The following PRDM5 variants were observed in gnomAD, a reference collection of about 807,000 sequenced individuals.
The protein encoded by PRDM5 is PR domain zinc finger protein 5.
PRDM5 carries 56 observed loss-of-function variants against 81.2 expected under a neutral mutation model. The ratio of observed to expected loss-of-function variants is 0.69; its 90% CI spans 0.56 to 0.86. The LOEUF is 0.86. Among genes scored for constraint, PRDM5 ranks in the 40% least tolerant of loss-of-function variants. PRDM5 has a pLI of 0.00. For synonymous variants in PRDM5, 267 were observed against 256.4 expected (o/e 1.04, Z -0.39); for missense variants, 697 against 770.1 (o/e 0.91, Z 1.12).
chr4:120,734,255 G>T (rs867304655), intron 14 of PRDM5, among the ~76,000 whole-genome samples: 2 of 144,222 alleles, frequency 1.4e-5, no homozygotes, highest in Non-Finnish European at 1.5e-5. Flanking sequence ...TTGTTTGTTT[G>T]TTTTTTTTTT....
In PRDM5 at chr4:120,796,587, G is replaced by A. The variant is rs145837967; in HGVS notation, c.1188+1680C>T. Among the ~76,000 whole-genome samples, 180 of 152,298 alleles carry A rather than the reference G, an allele frequency of 1.2e-3. 1 individual carries two copies. The highest frequency in any genetic ancestry group is 4.1e-3 in the African/African-American group (169 of 41,570). On this transcript the variant is annotated intron_variant, in intron 10 of 15. Coordinates refer to ENST00000264808, the MANE Select transcript of PRDM5 (RefSeq NM_018699.4). The stretch of plus-strand genomic sequence containing the variant: ...TAGCCAGATAATTTTTTACAGTCAC[G>A]TAATTCCAAAGCAGCAGTAATGAAC...
chr4:120,757,096 C>A (rs1336491941), intron 13 of PRDM5, among the ~76,000 whole-genome samples: 1 of 151,922 alleles, frequency 6.6e-6, no homozygotes, highest in Admixed American at 6.5e-5. Flanking sequence ...TTCATAACAG[C>A]CAAAATCCAT....
chr4:120,737,474 T>A (rs1422684058), intron 14 of PRDM5, among the ~76,000 whole-genome samples: 8 of 152,208 alleles, frequency 5.3e-5, no homozygotes, highest in Admixed American at 1.3e-4. Context: ...ACCAGTTATA[T>A]ACTTGGGACC....
chr4:120,801,726 C>T (rs1244259524), intron 8 of PRDM5, among the ~76,000 whole-genome samples: 1 of 152,178 alleles, frequency 6.6e-6, no homozygotes. Flanking sequence ...AACTTCCAGC[C>T]TGAGGCATGT....
At chr4:120,810,712 T>G (rs1296078601) in intron 8 of PRDM5, 4 of 152,200 alleles carry the variant, frequency 2.6e-5, no homozygotes, top group Non-Finnish European at 5.9e-5. Flanking sequence ...GGCCTAATGT[T>G]ACATGGAAGG....
chr4:120,773,211 AAT>A (rs1415626870), intron 13 of PRDM5, among the ~76,000 whole-genome samples: 1 of 152,194 alleles, frequency 6.6e-6, no homozygotes, highest in Non-Finnish European at 1.5e-5. Flanking sequence ...CTGACAGACA[AAT>A]TATGGTTATT....
intron 10 of PRDM5, among the ~76,000 whole-genome samples, chr4:120,789,163 T>C (rs1578739523): frequency 6.6e-6 from 1 of 152,258 alleles, no homozygotes; most frequent in Non-Finnish European, 1.5e-5. Context: ...AACTAGTCCA[T>C]GAACAAGTAC....
intron 2 of PRDM5, among the ~76,000 whole-genome samples, chr4:120,855,825 G>A (rs1450470): frequency 4.6e-5 from 7 of 152,204 alleles, no homozygotes; most frequent in African/African-American, 1.7e-4. Context: ...ACTTTGTGTA[G>A]TGAAACACAA....
At chr4:120,831,245 T>G (rs1270364991) in intron 3 of PRDM5, among the ~76,000 whole-genome samples, 1 of 152,036 alleles carries the variant, frequency 6.6e-6, no homozygotes, top group South Asian at 2.1e-4. Flanking sequence ...AGAAGCTCTT[T>G]TAACTGACCT....
intron 3 of PRDM5, among the ~76,000 whole-genome samples, chr4:120,845,408 C>T (rs1758543045): frequency 6.6e-6 from 1 of 152,196 alleles, no homozygotes; most frequent in Admixed American, 6.5e-5. Flanking sequence ...TGCTCATTTA[C>T]CATTCAGAAA....
intron 14 of PRDM5, among the ~76,000 whole-genome samples, chr4:120,731,949 G>A (rs757232214): frequency 2.0e-5 from 3 of 152,166 alleles, no homozygotes; most frequent in Non-Finnish European, 4.4e-5. Context: ...ACACCAAGCT[G>A]GTTGAAAATA....
At chr4:120,774,948 G>A (rs1365529806) in intron 13 of PRDM5, among the ~76,000 whole-genome samples, 1 of 108,104 alleles carries the variant, frequency 9.3e-6, no homozygotes, top group African/African-American at 2.9e-5. Context: ...ATATATGTGT[G>A]TGTATATGTA....
chr4:120,918,635 A>ATTTTTTTTTTTT (rs534148936), intron 1 of PRDM5, among the ~76,000 whole-genome samples: 2 of 110,732 alleles, frequency 1.8e-5, no homozygotes, highest in Non-Finnish European at 3.6e-5. Flanking sequence ...TACGTCAGGT[A>ATTTTTTTTTTTT]TTTTTTTTTT....
chr4:120,724,061 C>G (rs1185250773), intron 14 of PRDM5, among the ~76,000 whole-genome samples: 2 of 149,420 alleles, frequency 1.3e-5, no homozygotes, highest in Non-Finnish European at 3.0e-5. Flanking sequence ...ATATTAAATA[C>G]TTCCTCTAAA....
chr4:120,687,663 T>C (rs1332201696), downstream of PRDM5, among the ~76,000 whole-genome samples: 1 of 152,160 alleles, frequency 6.6e-6, no homozygotes, highest in Non-Finnish European at 1.5e-5. Flanking sequence ...CCCTCTCAAA[T>C]TCATGTTGAA....
intron 15 of PRDM5, among the ~76,000 whole-genome samples, chr4:120,707,048 C>T (rs1489571259): frequency 2.0e-5 from 3 of 151,832 alleles, no homozygotes; most frequent in Admixed American, 6.6e-5. Context: ...GAGGAGGAAA[C>T]ATTCCCCAAC....
chr4:120,735,365 T>C (rs971969924), intron 14 of PRDM5, among the ~76,000 whole-genome samples: 2 of 152,182 alleles, frequency 1.3e-5, no homozygotes, highest in Non-Finnish European at 2.9e-5. Context: ...TGTCTAAATT[T>C]TACATTATTC....
At chr4:120,734,309 T>G (rs1268499147) in intron 14 of PRDM5, among the ~76,000 whole-genome samples, 1 of 151,920 alleles carries the variant, frequency 6.6e-6, no homozygotes, top group Non-Finnish European at 1.5e-5. Context: ...TAAGTATTGA[T>G]GCAGCCATAC....
At chr4:120,900,436 G>A (rs1394445330) in intron 2 of PRDM5, among the ~76,000 whole-genome samples, 1 of 152,094 alleles carries the variant, frequency 6.6e-6, no homozygotes, top group Non-Finnish European at 1.5e-5. Context: ...ACCAAATATA[G>A]ATTTCATAAT....
Sources: allele counts gnomAD v4.1 joint callset (sites outside exome capture counted in the v4.1 genomes callset), GRCh38; gene constraint gnomAD v4.1.1; transcripts MANE v1.5; gene names NCBI Gene and HGNC (gene_info 2026-07-23, HGNC 2026-07-21).